Variants in UGT3A2 observed in about 807,000 individuals in gnomAD.
The protein encoded by UGT3A2 is UDP-glycosyltransferase 3A2.
Under a neutral mutation model 39.8 loss-of-function variants are expected in UGT3A2, and 32 were observed. That is an observed-to-expected ratio of 0.80 (90% CI 0.61 to 1.08). UGT3A2 has a LOEUF of 1.08. UGT3A2 is among the 50% of genes least tolerant of loss of function. The probability of loss-of-function intolerance (pLI) is 0.00; values close to 1 mark genes in which losing one functional copy is unlikely to be tolerated. For missense variants in UGT3A2, 611 were observed against 637.1 expected (o/e 0.96, Z 0.44); for synonymous variants, 241 against 230.7 (o/e 1.04, Z -0.40).
chr5:36,055,896 G>A (rs1965840), intron 2 of UGT3A2, among the ~76,000 whole-genome samples: 10,216 of 152,114 alleles, frequency 0.067, 1,226 homozygotes, highest in African/African-American at 0.24. Flanking sequence ...GTTTATTTGC[G>A]GAAATAGATA....
At chr5:36,049,781 G>A (rs1480027628) in intron 3 of UGT3A2, among the ~76,000 whole-genome samples, 1 of 152,148 alleles carries the variant, frequency 6.6e-6, no homozygotes, top group Non-Finnish European at 1.5e-5. Flanking sequence ...TACACATGGA[G>A]TTTTTATGAG....
intron 2 of UGT3A2, 25 bp downstream of exon 2, chr5:36,064,224 A>T (rs779809646): frequency 4.4e-6 from 7 of 1,604,902 alleles, no homozygotes; most frequent in Non-Finnish European, 5.1e-6. Context: ...GAGTAGGAGA[A>T]ATCAAGAAAA....
intron 3 of UGT3A2, among the ~76,000 whole-genome samples, chr5:36,050,465 G>C (rs1742307447): frequency 6.6e-6 from 1 of 152,216 alleles, no homozygotes; most frequent in African/African-American, 2.4e-5. Flanking sequence ...CCTCCAGTTA[G>C]AGAAGGTCCC....
chr5:36,049,312 G>A lies in UGT3A2; in HGVS notation c.420C>T (p.Asp140=), dbSNP rs1449905556. The stretch of plus-strand genomic sequence containing the variant: ...AGTCAAAAGTTTCAACTATCACCAT[G>A]TCGAAGTTCTCATTCTTTAAGGAAT... ...IMDSLKNENF[D]MVIVETFDYC... is the part of the protein sequence containing the mutation. The change falls in exon 4 of 7, where the codon GAC becomes GAT. Residue 140 remains aspartate (D), a synonymous_variant. Coordinates refer to ENST00000282507, the MANE Select transcript of UGT3A2 (RefSeq NM_174914.4). The A allele has an allele frequency of 1.2e-6, 2 of 1,613,986 alleles. No individual in the cohort carries two copies. The highest frequency in any genetic ancestry group is 3.3e-5 in the Admixed American group (2 of 59,986).
At chr5:36,047,521 ACT>A (rs1217385589) in intron 4 of UGT3A2, among the ~76,000 whole-genome samples, 7 of 152,210 alleles carry the variant, frequency 4.6e-5, no homozygotes, top group African/African-American at 1.4e-4. Context: ...CGTGGTTCAG[ACT>A]CTACTGGATT....
Position 36,035,811 on chromosome 5 carries a change from C to G in UGT3A2, c.1459G>C (p.Asp487His), listed in dbSNP as rs774867868. 3 of 1,614,126 alleles carry G rather than the reference C, an allele frequency of 1.9e-6. No homozygotes were observed. Among genetic ancestry groups the G allele is most frequent in the African/African-American group, 1.3e-5 (1 of 75,024 alleles). Residue 487 changes from aspartate to histidine, a missense_variant, in exon 7 of 7, where the codon GAC (aspartate) becomes CAC (histidine). By Grantham distance (81) the Asp-to-His change is moderately conservative. Coordinates refer to ENST00000282507, the MANE Select transcript of UGT3A2 (RefSeq NM_174914.4). ...AGCCCCAGCAGAAACACAAAAACGT[C>G]GAGCAGGTACTGCTCATGCCAGGGC... The part of the protein sequence containing the change: ...QQPWHEQYLL[D>H]VFVFLLGLTL...
At chr5:36,053,936 AG>A (rs1397990510) in intron 2 of UGT3A2, among the ~76,000 whole-genome samples, 28 of 152,210 alleles carry the variant, frequency 1.8e-4, no homozygotes, top group Admixed American at 6.5e-4. Flanking sequence ...CCTTTATAAC[AG>A]GGGTGTCCAA....
chr5:36,047,966 C>CA (rs1742218654), intron 4 of UGT3A2, among the ~76,000 whole-genome samples: 1 of 152,164 alleles, frequency 6.6e-6, no homozygotes, highest in Non-Finnish European at 1.5e-5. Flanking sequence ...GCCACAAATG[C>CA]AAAGCCCATA....
At chr5:36,056,068 G>C (rs1742503617) in intron 2 of UGT3A2, among the ~76,000 whole-genome samples, 1 of 152,074 alleles carries the variant, frequency 6.6e-6, no homozygotes, top group Non-Finnish European at 1.5e-5. Flanking sequence ...GTTTCATCTT[G>C]ATTGGTGGCT....
At chr5:36,057,126 C>G (rs1287262) in intron 2 of UGT3A2, among the ~76,000 whole-genome samples, 110,265 of 152,186 alleles carry the variant, frequency 0.72, 40,827 homozygotes, top group Non-Finnish European at 0.8. Context: ...TAGTACATGT[C>G]AGTATTAGAA....
At chr5:36,040,354 C>T (rs1311292532) in intron 4 of UGT3A2, among the ~76,000 whole-genome samples, 6 of 151,950 alleles carry the variant, frequency 3.9e-5, no homozygotes, top group South Asian at 2.1e-4. Flanking sequence ...TTTTGCCCCC[C>T]GAAGGAATAC....
At chr5:36,064,520 A>C (rs1742819804) in intron 1 of UGT3A2, among the ~76,000 whole-genome samples, 170 bp from the exon 2 acceptor site, 1 of 152,124 alleles carries the variant, frequency 6.6e-6, no homozygotes, top group South Asian at 2.1e-4. Flanking sequence ...CAGCCCACTC[A>C]CCCAGAGCAT....
At chr5:36,046,562 C>A (rs1179298808) in intron 4 of UGT3A2, among the ~76,000 whole-genome samples, 2 of 151,944 alleles carry the variant, frequency 1.3e-5, no homozygotes, top group Non-Finnish European at 2.9e-5. Context: ...AAAATTAAAA[C>A]AATTAAACTC....
At chr5:36,055,068 G>T (rs1445885718) in intron 2 of UGT3A2, among the ~76,000 whole-genome samples, 1 of 151,840 alleles carries the variant, frequency 6.6e-6, no homozygotes, top group Non-Finnish European at 1.5e-5. Flanking sequence ...AAACCTGGGA[G>T]GAGGAGGTTG....
intron 2 of UGT3A2, among the ~76,000 whole-genome samples, chr5:36,059,498 C>T (rs562867689): frequency 2.0e-5 from 3 of 151,724 alleles, no homozygotes; most frequent in African/African-American, 4.8e-5. Context: ...TGGCTTGTAC[C>T]GTCTTCTGCG....
intron 2 of UGT3A2, among the ~76,000 whole-genome samples, chr5:36,056,542 G>A (rs1742519649): frequency 6.6e-6 from 1 of 152,202 alleles, no homozygotes; most frequent in Non-Finnish European, 1.5e-5. Flanking sequence ...TTTCTTAGCA[G>A]ACTCAGGCAA....
In UGT3A2 at chr5:36,045,960, T is replaced by A. The variant is rs138041478; in HGVS notation, c.843+2929A>T. On this transcript the variant is annotated intron_variant, in intron 4 of 6. Transcript: ENST00000282507. ...AAAATCTAATAACCTGATTAAAAAA[T>A]AAAAGATCTGAATGGACATTTTTCA... Among the ~76,000 whole-genome samples the A allele has an allele frequency of 5.5e-3, 843 of 152,076 alleles. 14 individuals are homozygous for A. The highest frequency in any genetic ancestry group is 0.02 in the African/African-American group (813 of 41,496).
intron 2 of UGT3A2, among the ~76,000 whole-genome samples, chr5:36,058,365 G>C (rs1222806923): frequency 6.6e-6 from 1 of 152,188 alleles, no homozygotes; most frequent in Non-Finnish European, 1.5e-5. Context: ...GGCTGAAGGT[G>C]GAGGGTAATG....
intron 4 of UGT3A2, among the ~76,000 whole-genome samples, chr5:36,044,285 A>G (rs578084708): frequency 6.6e-6 from 1 of 152,228 alleles, no homozygotes; most frequent in South Asian, 2.1e-4. Context: ...ATAAAATTCA[A>G]AGTCCCTTCA....
Sources: gnomAD v4.1 joint callset for allele counts (sites outside exome capture counted in the v4.1 genomes callset) on GRCh38, gnomAD v4.1.1 for gene constraint, MANE v1.5 for transcripts, NCBI Gene and HGNC (gene_info 2026-07-23, HGNC 2026-07-21) for gene names.